ZNRF3: variants seen among roughly 807,000 people sequenced by gnomAD.
ZNRF3 encodes the protein E3 ubiquitin-protein ligase ZNRF3.
A neutral mutation model predicts 72.5 loss-of-function variants in ZNRF3; 23 were observed. The ratio of observed to expected loss-of-function variants is 0.32; its 90% CI spans 0.23 to 0.45. The LOEUF (loss-of-function observed/expected upper bound fraction) is 0.45, where lower values mean the gene tolerates loss of function less well. Among genes scored for constraint, ZNRF3 ranks in the 20% least tolerant of loss-of-function variants. The pLI, the probability that ZNRF3 is intolerant of heterozygous loss-of-function variation, is 1.00. For synonymous variants in ZNRF3, 610 were observed against 545.3 expected (o/e 1.12, Z -1.65); for missense variants, 1,169 against 1,272.1 (o/e 0.92, Z 1.23).
At chr22:29,043,156 C>T in intron 3 of ZNRF3, 143 bp from the exon 4 acceptor site, 1 of 911,498 alleles carries the variant, frequency 1.1e-6, no homozygotes, top group Non-Finnish European at 1.6e-6. Context: ...CCTTGCTCTT[C>T]TGGGAGCTCC....
chr22:28,895,075 C>T (rs73881171), intron 1 of ZNRF3, among the ~76,000 whole-genome samples: 2,727 of 152,280 alleles, frequency 0.018, 91 homozygotes, highest in African/African-American at 0.062. Context: ...GCCATCCTTT[C>T]TGTCTCTGGA....
intron 1 of ZNRF3, among the ~76,000 whole-genome samples, chr22:28,906,166 A>C (rs1043228380): frequency 3.3e-5 from 5 of 152,260 alleles, no homozygotes; most frequent in Admixed American, 1.3e-4. Flanking sequence ...CTTTACAAAA[A>C]GAATTTAAAA....
intron 1 of ZNRF3, among the ~76,000 whole-genome samples, chr22:28,886,485 T>C (rs552623049): frequency 2.0e-5 from 3 of 152,248 alleles, no homozygotes; most frequent in Non-Finnish European, 4.4e-5. Context: ...AAAACCTTTA[T>C]AAGCTTTAGA....
In ZNRF3 at chr22:28,971,198, GT is replaced by G. The variant is rs569851625; in HGVS notation, c.301-15867del. On this transcript the variant is annotated intron_variant, in intron 1 of 8. Coordinates refer to ENST00000544604, the MANE Select transcript of ZNRF3 (RefSeq NM_001206998.2). ...AGCAAGACCCTGTCTCTAAAAAAAT[GT>G]TTTTTTTTTTAATTACTGAATTCAG... is the stretch of plus-strand genomic sequence containing the variant. Among the ~76,000 whole-genome samples the G allele has an allele frequency of 4.9e-4, 71 of 145,732 alleles. No homozygotes were observed. The East Asian group carries it at 7.9e-3, about 16-fold the overall frequency.
chr22:28,937,468 C>A (rs891744593), intron 1 of ZNRF3, among the ~76,000 whole-genome samples: 2 of 151,912 alleles, frequency 1.3e-5, no homozygotes, highest in Admixed American at 1.3e-4. Flanking sequence ...CATACTGACC[C>A]CTTTTGCAAG....
rs61520434 is a variant in ZNRF3, at chr22:28,937,174, A to AAT, written c.301-49861_301-49860dup. 8.6e-4 allele frequency among the ~76,000 whole-genome samples: 68 copies of AAT among 78,712 alleles called. 1 individual carries two copies. The highest frequency in any genetic ancestry group is 2.7e-3 in the African/African-American group (41 of 15,328). 51.6% of individuals were successfully genotyped at this position (78,712 alleles called of 152,430 possible). On this transcript the variant is annotated intron_variant, in intron 1 of 8. Transcript: ENST00000544604. Reference sequence around the variant, plus strand: ...CGCTGCCAACCTACTTCTCTCTTATAATATATATATATATATATATATATA... The same window carrying AAT: ...CGCTGCCAACCTACTTCTCTCTTATAATATATATATATATATATATATATATA...
intron 2 of ZNRF3, among the ~76,000 whole-genome samples, chr22:28,991,553 T>C (rs372162393): frequency 1.2e-4 from 18 of 151,976 alleles, no homozygotes; most frequent in Admixed American, 7.2e-4. Context: ...AGCACTTAGC[T>C]CAGAGCCTGG....
chr22:28,891,693 G>A (rs116759315), intron 1 of ZNRF3, among the ~76,000 whole-genome samples: 2,011 of 152,306 alleles, frequency 0.013, 40 homozygotes, highest in African/African-American at 0.044. Flanking sequence ...TTCTTATGAT[G>A]AGGTTATGGG....
intron 2 of ZNRF3, among the ~76,000 whole-genome samples, chr22:29,029,128 G>A (rs1227888290): frequency 6.6e-6 from 1 of 152,188 alleles, no homozygotes; most frequent in Admixed American, 6.5e-5. Flanking sequence ...GGTGGACCAG[G>A]GGTCAGCTGT....
intron 8 of ZNRF3, among the ~76,000 whole-genome samples, chr22:29,052,222 T>C (rs2037219477): frequency 1.3e-5 from 2 of 152,206 alleles, no homozygotes; most frequent in Non-Finnish European, 2.9e-5. Context: ...CTCCCACTGC[T>C]ATCCCCTCAG....
intron 1 of ZNRF3, among the ~76,000 whole-genome samples, chr22:28,884,443 C>T (rs982792643): frequency 1.3e-5 from 2 of 152,210 alleles, no homozygotes; most frequent in Non-Finnish European, 2.9e-5. Flanking sequence ...TGGGGTGGCT[C>T]GTTTCAGGTT....
In ZNRF3 at chr22:28,919,868, GCCC is replaced by G. The variant is rs1190919134; in HGVS notation, c.300+35804_300+35806del. ...ATGAGGGGGTGAAATTTAATTCTGT[GCCC>G]CAAACCTGATCAGAAGCTGTTTTTA... is the stretch of plus-strand genomic sequence containing the variant. On this transcript the variant is annotated intron_variant, in intron 1 of 8. Transcript: ENST00000544604. Among the ~76,000 whole-genome samples the G allele has an allele frequency of 2.0e-5, 3 of 152,236 alleles. No individual in the cohort carries two copies. In the East Asian group the frequency reaches 5.8e-4, roughly 29 times the overall value.
intron 2 of ZNRF3, among the ~76,000 whole-genome samples, chr22:29,011,482 A>C (rs2036346624): frequency 6.6e-6 from 1 of 152,164 alleles, no homozygotes; most frequent in Non-Finnish European, 1.5e-5. Flanking sequence ...GGGGAAAAAC[A>C]CTCTTGAGTA....
intron 1 of ZNRF3, among the ~76,000 whole-genome samples, chr22:28,962,710 C>T (rs116419831): frequency 2.3e-3 from 348 of 152,312 alleles, no homozygotes; most frequent in African/African-American, 8.1e-3. Flanking sequence ...AGGACAGCTG[C>T]AGCCCAAAAA....
intron 2 of ZNRF3, among the ~76,000 whole-genome samples, chr22:28,991,665 C>T (rs955019597): frequency 6.6e-6 from 1 of 152,092 alleles, no homozygotes. Context: ...TTAATTAATG[C>T]TAATTTGACA....
chr22:28,906,930 A>C (rs2034217874), intron 1 of ZNRF3, among the ~76,000 whole-genome samples: 1 of 151,708 alleles, frequency 6.6e-6, no homozygotes, highest in African/African-American at 2.4e-5. Flanking sequence ...CTAAAATGTT[A>C]ATTGCCACCT....
At chr22:29,002,981 A>T (rs960433011) in intron 2 of ZNRF3, among the ~76,000 whole-genome samples, 21 of 152,194 alleles carry the variant, frequency 1.4e-4, no homozygotes, top group Non-Finnish European at 2.9e-4. Context: ...GAAGAAAAAA[A>T]TTTTGCACTT....
chr22:28,987,007 A>T, intron 1 of ZNRF3, 69 bp from the exon 2 acceptor site: 1 of 1,539,252 alleles, frequency 6.5e-7, no homozygotes, highest in Non-Finnish European at 8.7e-7. Flanking sequence ...GCATCTGAGA[A>T]ATACACAATA....
chr22:28,903,241 G>GAC (rs1299491379), intron 1 of ZNRF3, among the ~76,000 whole-genome samples: 1 of 152,194 alleles, frequency 6.6e-6, no homozygotes, highest in Admixed American at 6.5e-5. Flanking sequence ...TGCACACACA[G>GAC]ACACACACAC....
Sources: gnomAD v4.1 joint callset for allele counts (sites outside exome capture counted in the v4.1 genomes callset) on GRCh38, gnomAD v4.1.1 for gene constraint, MANE v1.5 for transcripts, NCBI Gene and HGNC (gene_info 2026-07-23, HGNC 2026-07-21) for gene names.